The following INPP4B variants were observed in gnomAD, a reference collection of about 807,000 sequenced individuals.
The protein encoded by INPP4B is inositol polyphosphate-4-phosphatase type II B.
Under a neutral mutation model 122.5 loss-of-function variants are expected in INPP4B, and 55 were observed. The ratio of observed to expected loss-of-function variants is 0.45; its 90% CI spans 0.36 to 0.56. The LOEUF is 0.56. Ranked by LOEUF, INPP4B falls within the 20% of genes least tolerant of loss-of-function variation. The pLI is 0.00. For synonymous variants in INPP4B, 403 were observed against 388.7 expected (o/e 1.04, Z -0.43); for missense variants, 1,000 against 1,097.7 (o/e 0.91, Z 1.26).
At chr4:142,713,926 C>T (rs1225884858) in intron 2 of INPP4B, among the ~76,000 whole-genome samples, 1 of 152,182 alleles carries the variant, frequency 6.6e-6, no homozygotes, top group Non-Finnish European at 1.5e-5. Context: ...CAGCATTTTA[C>T]AGTGTGCTTC....
intron 2 of INPP4B, among the ~76,000 whole-genome samples, chr4:142,672,727 C>G (rs1757182851): frequency 6.6e-6 from 1 of 152,028 alleles, no homozygotes; most frequent in African/African-American, 2.4e-5. Flanking sequence ...TTTCAAGAAG[C>G]AGAGGATTCC....
chr4:142,526,120 AT>A (rs1259214849), intron 2 of INPP4B, among the ~76,000 whole-genome samples: 1 of 152,090 alleles, frequency 6.6e-6, no homozygotes, highest in East Asian at 1.9e-4. Flanking sequence ...AATAGTAGGA[AT>A]CCCTGGCCAT....
intron 2 of INPP4B, among the ~76,000 whole-genome samples, chr4:142,590,520 C>T (rs986828820): frequency 5.3e-5 from 8 of 151,788 alleles, no homozygotes; most frequent in East Asian, 1.9e-4. Context: ...ATGTGTATGC[C>T]GAAATTGAAA....
chr4:142,415,899 A>G (rs1371385932), intron 5 of INPP4B, among the ~76,000 whole-genome samples: 1 of 152,038 alleles, frequency 6.6e-6, no homozygotes, highest in Non-Finnish European at 1.5e-5. Flanking sequence ...AAACTATCAC[A>G]AGGACAAAAA....
At chr4:142,618,486 A>C (rs1744168723) in intron 2 of INPP4B, among the ~76,000 whole-genome samples, 1 of 152,098 alleles carries the variant, frequency 6.6e-6, no homozygotes, top group Admixed American at 6.6e-5. Context: ...AAGGGAAGGC[A>C]AATTGTCTCT....
At chr4:142,206,521 G>A (rs1842665466) in intron 14 of INPP4B, among the ~76,000 whole-genome samples, 1 of 151,772 alleles carries the variant, frequency 6.6e-6, no homozygotes, top group South Asian at 2.1e-4. Flanking sequence ...TATATGATTG[G>A]TATGCAAACA....
chr4:142,705,458 AACACACACACACACAC>A (rs56300337), intron 2 of INPP4B, among the ~76,000 whole-genome samples: 4 of 146,206 alleles, frequency 2.7e-5, no homozygotes, highest in Non-Finnish European at 6.0e-5. Context: ...TCCCACCCCA[AACACACACACACACAC>A]ACACACACAC....
intron 2 of INPP4B, among the ~76,000 whole-genome samples, chr4:142,535,499 G>A (rs1194193585): frequency 1.3e-5 from 2 of 152,132 alleles, no homozygotes; most frequent in Non-Finnish European, 2.9e-5. Flanking sequence ...TGAGCAGTTT[G>A]CTTGGCCACG....
At chr4:142,716,707 T>A (rs1024900182) in intron 2 of INPP4B, among the ~76,000 whole-genome samples, 14 of 152,214 alleles carry the variant, frequency 9.2e-5, no homozygotes, top group Admixed American at 7.9e-4. Flanking sequence ...CAGCAAGTAT[T>A]TAAATCTCAT....
intron 12 of INPP4B, among the ~76,000 whole-genome samples, chr4:142,227,565 A>T (rs1277941845): frequency 6.6e-6 from 1 of 152,148 alleles, no homozygotes; most frequent in African/African-American, 2.4e-5. Context: ...TTCATGAAAA[A>T]TTTGAAAAAA....
chr4:142,633,224 TA>T (rs1748374658), intron 2 of INPP4B, among the ~76,000 whole-genome samples: 1 of 152,036 alleles, frequency 6.6e-6, no homozygotes, highest in Non-Finnish European at 1.5e-5. Flanking sequence ...TGTAAACACC[TA>T]ATACTATAGT....
chr4:142,251,646 G>A (rs562452725), intron 11 of INPP4B, among the ~76,000 whole-genome samples: 12 of 152,252 alleles, frequency 7.9e-5, no homozygotes, highest in African/African-American at 2.9e-4. Context: ...AGAAACACCT[G>A]TTCTTCCTTG....
Position 142,710,497 on chromosome 4 carries a change from A to G in INPP4B, c.-191+15342T>C, listed in dbSNP as rs191561101. On this transcript the variant is annotated intron_variant, in intron 2 of 25. Transcript: ENST00000262992. ...AACCCTAGAGTGGGTTATAAAATCA[A>G]TTTAATAAAATGTAGCATTTTTTTA... is the stretch of plus-strand genomic sequence containing the variant. Among the ~76,000 whole-genome samples, 6 of 152,330 alleles carry G rather than the reference A, an allele frequency of 3.9e-5. 1 individual carries two copies. The highest frequency in any genetic ancestry group is 2.1e-4 in the South Asian group (1 of 4,826).
chr4:142,323,022 G>A (rs79252447), intron 7 of INPP4B, among the ~76,000 whole-genome samples: 2,253 of 152,252 alleles, frequency 0.015, 53 homozygotes, highest in African/African-American at 0.051. Context: ...GTCCTATGAA[G>A]AATCTTAAAA....
rs750255766 is a variant in INPP4B, at chr4:142,173,742, T to C, written c.1249A>G (p.Ile417Val). 4.3e-6 allele frequency: 7 copies of C among 1,613,274 alleles called. No individual in the cohort carries two copies. The highest frequency in any genetic ancestry group is 5.9e-6 in the Non-Finnish European group (7 of 1,179,526). ...TAKAKEVLSNINQLQPLIATH... is the reference protein window; with the variant it reads ...TAKAKEVLSNVNQLQPLIATH... ...GCTATAAGAGGTTGTAGTTGATTGATGTTGCTGAGAACTTCCTTTGCTTTG... is the reference window on the plus strand; with the variant it reads ...GCTATAAGAGGTTGTAGTTGATTGACGTTGCTGAGAACTTCCTTTGCTTTG... The change falls in exon 16 of 26, where the codon ATC becomes GTC. Residue 417 changes from isoleucine to valine, a missense_variant. Coordinates refer to ENST00000262992, the MANE Select transcript of INPP4B (RefSeq NM_001101669.3).
intron 10 of INPP4B, among the ~76,000 whole-genome samples, chr4:142,268,845 T>C (rs1744323420): frequency 6.6e-6 from 1 of 152,246 alleles, no homozygotes; most frequent in Admixed American, 6.5e-5. Context: ...AAAGTTAAGA[T>C]TGGGAACTGA....
chr4:142,047,364 A>G (rs1752104705), intron 25 of INPP4B, among the ~76,000 whole-genome samples: 1 of 152,124 alleles, frequency 6.6e-6, no homozygotes, highest in Admixed American at 6.6e-5. Context: ...CAATTGAATA[A>G]GACACGAAGA....
chr4:142,375,066 G>T (rs1300423756), intron 7 of INPP4B, among the ~76,000 whole-genome samples: 1 of 151,402 alleles, frequency 6.6e-6, no homozygotes, highest in East Asian at 1.9e-4. Context: ...CATCTTATAC[G>T]GTCTAATCAC....
chr4:142,710,779 A>G (rs1420542823), intron 2 of INPP4B, among the ~76,000 whole-genome samples: 1 of 152,208 alleles, frequency 6.6e-6, no homozygotes, highest in Non-Finnish European at 1.5e-5. Context: ...AATTTGATGT[A>G]TCTCCTTCAG....
Sources: gnomAD v4.1 joint callset for allele counts (sites outside exome capture counted in the v4.1 genomes callset) on GRCh38, gnomAD v4.1.1 for gene constraint, MANE v1.5 for transcripts, NCBI Gene and HGNC (gene_info 2026-07-23, HGNC 2026-07-21) for gene names.